IL1RN: variants seen among roughly 807,000 people sequenced by gnomAD.
The protein encoded by IL1RN is interleukin-1 receptor antagonist protein.
Under a neutral mutation model 13.7 loss-of-function variants are expected in IL1RN, and 10 were observed. The observed-to-expected ratio is 0.73, with a 90% CI of 0.45 to 1.24. IL1RN has a LOEUF of 1.24. Ranked by LOEUF, IL1RN falls within the 50% of genes most tolerant of loss-of-function variation. The probability of loss-of-function intolerance (pLI) is 0.00; values close to 1 mark genes in which losing one functional copy is unlikely to be tolerated. For synonymous variants in IL1RN, 102 were observed against 82.7 expected (o/e 1.23, Z -1.27); for missense variants, 213 against 222.1 (o/e 0.96, Z 0.26).
intron 2 of IL1RN, among the ~76,000 whole-genome samples, chr2:113,120,839 G>T (rs892867459): frequency 1.1e-4 from 16 of 152,206 alleles, no homozygotes; most frequent in African/African-American, 3.4e-4. Flanking sequence ...GAAGCAGAGA[G>T]AAAAAGTCAG....
At chr2:113,116,063 C>G (rs950067071), upstream of IL1RN, among the ~76,000 whole-genome samples, 3 of 152,218 alleles carry the variant, frequency 2.0e-5, no homozygotes, top group African/African-American at 7.2e-5. Context: ...TCTTCACAAG[C>G]ACCTTGTGAG....
chr2:113,113,328 C>T (rs895680962), upstream of IL1RN, among the ~76,000 whole-genome samples: 1 of 152,078 alleles, frequency 6.6e-6, no homozygotes, highest in Non-Finnish European at 1.5e-5. Flanking sequence ...CACAAAAAGA[C>T]ATTTCTTGCA....
chr2:113,105,110 T>C (rs1158762308), upstream of IL1RN, among the ~76,000 whole-genome samples: 3 of 152,166 alleles, frequency 2.0e-5, no homozygotes, highest in Non-Finnish European at 2.9e-5. Context: ...GTAGCTGGGC[T>C]CAGGGGTGGA....
chr2:113,113,744 C>T (rs192053958), upstream of IL1RN, among the ~76,000 whole-genome samples: 73 of 152,252 alleles, frequency 4.8e-4, no homozygotes, highest in Admixed American at 1.5e-3. Flanking sequence ...GTATGTCAAT[C>T]GTACCTCAGT....
chr2:113,117,785 A>C (rs1251096125), upstream of IL1RN: 21 of 601,648 alleles, frequency 3.5e-5, no homozygotes, highest in South Asian at 5.9e-5. Context: ...GCTTGGCATC[A>C]AGTCAGCCAT....
upstream of IL1RN, among the ~76,000 whole-genome samples, chr2:113,104,385 T>G (rs531961868): frequency 2.6e-5 from 4 of 152,276 alleles, no homozygotes; most frequent in South Asian, 6.2e-4. Context: ...AGTGACTCAC[T>G]GACTGTTGGC....
upstream of IL1RN, chr2:113,117,392 G>A (rs36215114): frequency 5.6e-3 from 860 of 153,814 alleles, 8 homozygotes; most frequent in Middle Eastern, 0.014. Flanking sequence ...TCTCAGAGAG[G>A]GCTTCCCTGG....
upstream of IL1RN, among the ~76,000 whole-genome samples, chr2:113,117,195 G>A (rs1686614216): frequency 6.6e-6 from 1 of 152,242 alleles, no homozygotes; most frequent in Non-Finnish European, 1.5e-5. Flanking sequence ...CTGGCCTTGT[G>A]GACAATGTCA....
At chr2:113,111,308 T>A (rs984860526) in intron 1 of IL1RN, 2 of 152,204 alleles carry the variant, frequency 1.3e-5, no homozygotes, top group African/African-American at 4.8e-5. Flanking sequence ...AGTTAAGATT[T>A]GCTGAACTGG....
exon 1 of IL1RN, chr2:113,117,910 G>A: frequency 1.3e-6 from 1 of 790,106 alleles, no homozygotes; most frequent in Non-Finnish European, 2.3e-6. Flanking sequence ...TCCACCCTGG[G>A]AGGGACTGTG....
At chr2:113,113,427 T>G (rs1686535215), upstream of IL1RN, among the ~76,000 whole-genome samples, 1 of 152,004 alleles carries the variant, frequency 6.6e-6, no homozygotes, top group African/African-American at 2.4e-5. Flanking sequence ...AAAGTGGAAA[T>G]GAAGAGGTGA....
At chr2:113,104,733 C>T (rs545851461), upstream of IL1RN, among the ~76,000 whole-genome samples, 1 of 152,202 alleles carries the variant, frequency 6.6e-6, no homozygotes, top group South Asian at 2.1e-4. Context: ...TAGTGTGTGC[C>T]AAAGAGCTTT....
chr2:113,132,915 T>C lies in IL1RN; in HGVS notation c.*44T>C, dbSNP rs569845013. 6 of 1,579,876 alleles carry C rather than the reference T, an allele frequency of 3.8e-6. No individual in the cohort carries two copies. Among genetic ancestry groups the C allele is most frequent in the Non-Finnish European group, 2.6e-6 (3 of 1,149,180 alleles). ...GTTCCCATTCTTGCATGGCAAGGAC[T>C]GCAGGGACTGCCAGTCCCCCTGCCC... On this transcript the variant is annotated 3_prime_UTR_variant, in exon 4 of 4. Coordinates refer to ENST00000409930, the MANE Select transcript of IL1RN (RefSeq NM_173842.3).
At chr2:113,105,248 G>A (rs6542114), upstream of IL1RN, among the ~76,000 whole-genome samples, 2,565 of 152,250 alleles carry the variant, frequency 0.017, 70 homozygotes, top group African/African-American at 0.059. Context: ...AGCTTATGAC[G>A]TCAGGGGCTA....
In IL1RN at chr2:113,132,954, T is replaced by C; in HGVS notation, c.*83T>C. 1 of 1,345,250 alleles carries C rather than the reference T, an allele frequency of 7.4e-7. No homozygotes were observed. The highest frequency in any genetic ancestry group is 1.1e-6 in the Non-Finnish European group (1 of 938,040). 83.3% of individuals were successfully genotyped at this position (1,345,250 alleles called of 1,614,324 possible). On this transcript the variant is annotated 3_prime_UTR_variant, in exon 4 of 4. Coordinates refer to ENST00000409930, the MANE Select transcript of IL1RN (RefSeq NM_173842.3). ...GTCCCCCTGCCCCAGGGCTCCCGGCTATGGGGGCACTGAGGACCAGCCATT... is the reference window on the plus strand; with the variant it reads ...GTCCCCCTGCCCCAGGGCTCCCGGCCATGGGGGCACTGAGGACCAGCCATT...
intron 3 of IL1RN, among the ~76,000 whole-genome samples, chr2:113,132,448 G>A (rs192473233): frequency 1.0e-3 from 159 of 152,204 alleles, no homozygotes; most frequent in African/African-American, 3.6e-3. Flanking sequence ...ACTCCGTCTC[G>A]GGAAAATTAA....
At chr2:113,118,133 G>A in intron 1 of IL1RN, 1 of 1,584,768 alleles carries the variant, frequency 6.3e-7, no homozygotes, top group South Asian at 1.1e-5. Flanking sequence ...CAAGCGTCCA[G>A]GAAAATGTCA....
upstream of IL1RN, chr2:113,112,925 T>C (rs187774482): frequency 2.0e-5 from 3 of 152,234 alleles, no homozygotes; most frequent in Admixed American, 2.0e-4. Flanking sequence ...GTTATGGTTG[T>C]TTGTTGTTGT....
intron 1 of IL1RN, chr2:113,120,043 G>A (rs1462428075): frequency 1.9e-6 from 3 of 1,601,346 alleles, no homozygotes; most frequent in Non-Finnish European, 2.6e-6. Flanking sequence ...CTACACAATG[G>A]GGTCCCACCA....
Sources: allele counts gnomAD v4.1 joint callset (sites outside exome capture counted in the v4.1 genomes callset), GRCh38; gene constraint gnomAD v4.1.1; transcripts MANE v1.5; gene names NCBI Gene and HGNC (gene_info 2026-07-23, HGNC 2026-07-21).